Variants in PHLDB2 observed in about 807,000 individuals in gnomAD.
PHLDB2 encodes pleckstrin homology-like domain family B member 2.
Under a neutral mutation model 123.6 loss-of-function variants are expected in PHLDB2, and 71 were observed. The observed-to-expected ratio is 0.57, with a 90% CI of 0.47 to 0.70. The LOEUF (loss-of-function observed/expected upper bound fraction) is 0.70. PHLDB2 is among the 30% of genes least tolerant of loss of function. The probability of loss-of-function intolerance (pLI) is 0.00; values close to 1 mark genes in which losing one functional copy is unlikely to be tolerated. For missense variants in PHLDB2, 1,446 were observed against 1,519.5 expected (o/e 0.95, Z 0.80); for synonymous variants, 547 against 541.6 (o/e 1.01, Z -0.14).
chr3:111,974,509 C>T lies in PHLDB2; in HGVS notation c.3708C>T (p.Ile1236=). The T allele has an allele frequency of 1.2e-6, 2 of 1,613,724 alleles. No individual in the cohort carries two copies. ...CCCCATCGCCAGAAGCCATGCGGAT[C>T]TGGATGGATGTTATAGTTACGGGGG... ...MVAPSPEAMR[I]WMDVIVTGAE... is the part of the protein sequence containing the mutation. The change falls in exon 18 of 18, where the codon ATC becomes ATT. Residue 1236 remains isoleucine (I), a synonymous_variant. Transcript: ENST00000431670.
chr3:111,867,570 C>T (rs573749715), intron 1 of PHLDB2, among the ~76,000 whole-genome samples: 80 of 152,048 alleles, frequency 5.3e-4, no homozygotes, highest in African/African-American at 1.9e-3. Context: ...ATATTTCATT[C>T]GTAAATAATT....
intron 16 of PHLDB2, among the ~76,000 whole-genome samples, chr3:111,970,792 A>T (rs988232945): frequency 6.6e-6 from 1 of 152,212 alleles, no homozygotes; most frequent in Non-Finnish European, 1.5e-5. Flanking sequence ...TTTTGGGGTG[A>T]CTGTCAGTAT....
intron 1 of PHLDB2, among the ~76,000 whole-genome samples, chr3:111,750,094 A>G (rs1023643977): frequency 6.6e-6 from 1 of 152,274 alleles, no homozygotes; most frequent in Non-Finnish European, 1.5e-5. Context: ...AAGGGGTTAT[A>G]TGAGTACCCA....
In PHLDB2 at chr3:111,940,599, A is replaced by T; in HGVS notation, c.2351A>T (p.Asp784Val). The change falls in exon 8 of 18, where the codon GAT becomes GTT. Residue 784 changes from aspartate (D) to valine (V), a missense_variant. Physicochemically the swap from Asp to Val is radical, Grantham distance 152. Transcript: ENST00000431670. ...HIVQQAQREQDHFVKEKNNLI... is the reference protein window; with the variant it reads ...HIVQQAQREQVHFVKEKNNLI... ...GTTCAGCAGGCTCAGAGAGAGCAAGATCATTTTGTGAAAGAAAAGAATAAT... is the reference window on the plus strand; with the variant it reads ...GTTCAGCAGGCTCAGAGAGAGCAAGTTCATTTTGTGAAAGAAAAGAATAAT... 1 of 1,606,834 alleles carries T rather than the reference A, an allele frequency of 6.2e-7. No individual in the cohort carries two copies. The highest frequency in any genetic ancestry group is 8.5e-7 in the Non-Finnish European group (1 of 1,176,912).
At chr3:111,850,310 G>T (rs2108601858) in intron 2 of PHLDB2, among the ~76,000 whole-genome samples, 1 of 152,208 alleles carries the variant, frequency 6.6e-6, no homozygotes, top group Admixed American at 6.5e-5. Flanking sequence ...AAGGTGAGGG[G>T]GGCAGGGCTA....
chr3:111,912,085 C>T (rs1326186662), intron 2 of PHLDB2, among the ~76,000 whole-genome samples: 1 of 151,990 alleles, frequency 6.6e-6, no homozygotes, highest in Non-Finnish European at 1.5e-5. Context: ...TGTGAAGCCT[C>T]TTCTCAGTGT....
chr3:111,736,506 C>T (rs1468822403), intron 1 of PHLDB2, among the ~76,000 whole-genome samples: 1 of 152,160 alleles, frequency 6.6e-6, no homozygotes, highest in African/African-American at 2.4e-5. Flanking sequence ...CTCAGTCTCA[C>T]TCAGCTAAGT....
chr3:111,939,848 G>A lies in PHLDB2; in HGVS notation c.2286+218G>A, dbSNP rs142452560. Among the ~76,000 whole-genome samples the A allele has an allele frequency of 4.6e-3, 704 of 152,284 alleles. 6 individuals are homozygous for A. Among genetic ancestry groups the A allele is most frequent in the African/African-American group, 0.013 (520 of 41,544 alleles). On this transcript the variant is annotated intron_variant, in intron 7 of 17. Coordinates refer to ENST00000431670, the MANE Select transcript of PHLDB2 (RefSeq NM_001134438.2). Reference sequence around the variant, plus strand: ...AATAGTACCTAATTGTTTCATTCACGTGAAAACCAAGGCATAGAAAATCAG... The same window carrying A: ...AATAGTACCTAATTGTTTCATTCACATGAAAACCAAGGCATAGAAAATCAG...
intron 1 of PHLDB2, among the ~76,000 whole-genome samples, chr3:111,734,420 A>T (rs957083257): frequency 1.8e-4 from 27 of 151,986 alleles, no homozygotes; most frequent in South Asian, 1.2e-3. Context: ...TCTACAAAAA[A>T]TTTTTTTTAA....
chr3:111,810,302 C>A (rs919774967), intron 1 of PHLDB2, among the ~76,000 whole-genome samples: 4 of 152,298 alleles, frequency 2.6e-5, no homozygotes, highest in East Asian at 1.9e-4. Context: ...ACTAGGCCTA[C>A]TCTGCATGAC....
rs551068466 is a variant in PHLDB2 at position 111,756,907 on chromosome 3, A to G, written c.-49+24204A>G. Among the ~76,000 whole-genome samples, 1,469 of 152,130 alleles carry G rather than the reference A, an allele frequency of 9.7e-3. 16 individuals carry two copies. Among genetic ancestry groups the G allele is most frequent in the African/African-American group, 0.032 (1,348 of 41,516 alleles). On this transcript the variant is annotated intron_variant, in intron 1 of 17. Coordinates refer to the PHLDB2 transcript ENST00000393923. ...GTATTTTATTTCTCCTTCACTTATGAAGCTTAGTTTGGCTGGATATGAAAT... is the reference window on the plus strand; with the variant it reads ...GTATTTTATTTCTCCTTCACTTATGGAGCTTAGTTTGGCTGGATATGAAAT...
At chr3:111,908,583 G>C (rs146144249) in intron 2 of PHLDB2, among the ~76,000 whole-genome samples, 66 of 152,262 alleles carry the variant, frequency 4.3e-4, no homozygotes, top group African/African-American at 1.5e-3. Flanking sequence ...CCTGGCTGTT[G>C]TTCATGCAGA....
chr3:111,919,939 G>T (rs1014433922), intron 4 of PHLDB2, among the ~76,000 whole-genome samples: 21 of 7,188 alleles, frequency 2.9e-3, no homozygotes, highest in Non-Finnish European at 9.8e-3. Context: ...CATGCTCTAG[G>T]GACAAAGAAA....
chr3:111,825,499 G>T (rs1239057980), intron 1 of PHLDB2, among the ~76,000 whole-genome samples: 1 of 152,222 alleles, frequency 6.6e-6, no homozygotes, highest in Non-Finnish European at 1.5e-5. Context: ...CCAGGCTGGG[G>T]TGCAGTAGCA....
intron 1 of PHLDB2, chr3:111,859,956 A>T: frequency 1.1e-6 from 1 of 952,340 alleles, no homozygotes; most frequent in Non-Finnish European, 1.2e-6. Context: ...TGGGGTCGGC[A>T]GTGCCCAGGC....
chr3:111,858,745 GT>G (rs2064634347), upstream of PHLDB2, among the ~76,000 whole-genome samples: 1 of 152,144 alleles, frequency 6.6e-6, no homozygotes, highest in African/African-American at 2.4e-5. Flanking sequence ...ATCATAAGTA[GT>G]TTGCGCTTCG....
intron 1 of PHLDB2, among the ~76,000 whole-genome samples, chr3:111,798,942 G>A (rs1056789332): frequency 6.6e-6 from 1 of 152,140 alleles, no homozygotes; most frequent in Non-Finnish European, 1.5e-5. Flanking sequence ...AAAGAGGTTT[G>A]ATTGACTCAC....
chr3:111,932,616 A>G (rs1412661175), intron 6 of PHLDB2, among the ~76,000 whole-genome samples: 1 of 152,080 alleles, frequency 6.6e-6, no homozygotes, highest in Non-Finnish European at 1.5e-5. Context: ...ATAATTTCTA[A>G]TGCAAAACCA....
chr3:111,876,143 G>A (rs1452454253), intron 1 of PHLDB2, among the ~76,000 whole-genome samples: 1 of 152,106 alleles, frequency 6.6e-6, no homozygotes, highest in Non-Finnish European at 1.5e-5. Context: ...GGCTACCATG[G>A]AAATGCTAAG....
Sources: gnomAD v4.1 joint callset for allele counts (sites outside exome capture counted in the v4.1 genomes callset) on GRCh38, gnomAD v4.1.1 for gene constraint, MANE v1.5 for transcripts, NCBI Gene and HGNC (gene_info 2026-07-23, HGNC 2026-07-21) for gene names.